The following COG5 variants were observed in gnomAD, a reference collection of about 807,000 sequenced individuals.
COG5 encodes component of oligomeric golgi complex 5.
In COG5, 86 loss-of-function variants were observed where a neutral mutation model predicts 110.4. That is an observed-to-expected ratio of 0.78 (90% CI 0.65 to 0.93). The LOEUF (loss-of-function observed/expected upper bound fraction) is 0.93, where lower values mean the gene tolerates loss of function less well. Among genes scored for constraint, COG5 ranks in the 40% least tolerant of loss-of-function variants. COG5 has a pLI of 0.00. For missense variants in COG5, 1,077 were observed against 987.0 expected (o/e 1.09, Z -1.22); for synonymous variants, 360 against 334.6 (o/e 1.08, Z -0.83).
chr7:107,529,497 GCA>G (rs1801021998), intron 5 of COG5, among the ~76,000 whole-genome samples: 1 of 152,120 alleles, frequency 6.6e-6, no homozygotes, highest in East Asian at 1.9e-4. Flanking sequence ...CCTTCCGGGG[GCA>G]CTCCACCTGA....
rs143172797 is a variant in COG5 at position 107,360,205 on chromosome 7, C to T, written c.1026+1828G>A. On this transcript the variant is annotated intron_variant, in intron 10 of 21. Transcript: ENST00000297135. ...ACATCAGGATGGTCTGCCTGTGGAA[C>T]GGAGCTAAATACTGCAGGTCACCTC... Among the ~76,000 whole-genome samples the T allele has an allele frequency of 6.5e-4, 99 of 152,300 alleles. 1 individual carries two copies. The East Asian group carries it at 0.016, about 24-fold the overall frequency.
At chr7:107,300,887 C>G (rs1030579088) in intron 11 of COG5, among the ~76,000 whole-genome samples, 4 of 152,044 alleles carry the variant, frequency 2.6e-5, no homozygotes, top group African/African-American at 9.7e-5. Flanking sequence ...AGTACTAATA[C>G]AACCTGATTT....
At chr7:107,356,320 GTAAC>G (rs2129043853) in intron 10 of COG5, among the ~76,000 whole-genome samples, 1 of 152,294 alleles carries the variant, frequency 6.6e-6, no homozygotes, top group South Asian at 2.1e-4. Context: ...AATTAATAAT[GTAAC>G]TGTTTATAAT....
At chr7:107,487,155 C>A (rs186606330) in intron 6 of COG5, among the ~76,000 whole-genome samples, 16 of 152,066 alleles carry the variant, frequency 1.1e-4, no homozygotes, top group Admixed American at 9.2e-4. Context: ...CATTTACAAC[C>A]TATGTAGTAA....
chr7:107,482,067 A>G (rs1387147683), intron 6 of COG5, among the ~76,000 whole-genome samples: 2 of 151,932 alleles, frequency 1.3e-5, no homozygotes, highest in Admixed American at 6.6e-5. Context: ...TAAAATGCCA[A>G]TTCCTGGGCC....
intron 8 of COG5, among the ~76,000 whole-genome samples, chr7:107,365,221 T>G (rs981077520): frequency 1.3e-5 from 2 of 152,102 alleles, no homozygotes; most frequent in African/African-American, 4.8e-5. Flanking sequence ...TAAAATAAAC[T>G]AAGAGTTCCT....
intron 7 of COG5, among the ~76,000 whole-genome samples, chr7:107,391,473 G>T (rs557895594): frequency 3.9e-5 from 6 of 152,134 alleles, no homozygotes; most frequent in African/African-American, 1.4e-4. Context: ...CTGTGCAAAC[G>T]TTTACAAGTT....
intron 10 of COG5, among the ~76,000 whole-genome samples, chr7:107,335,562 G>A (rs932317253): frequency 2.0e-5 from 3 of 152,056 alleles, no homozygotes; most frequent in Admixed American, 6.6e-5. Flanking sequence ...AAAAGGAAGA[G>A]GAATTACAAA....
intron 10 of COG5, among the ~76,000 whole-genome samples, chr7:107,357,734 T>C (rs1477162914): frequency 6.6e-6 from 1 of 152,168 alleles, no homozygotes; most frequent in African/African-American, 2.4e-5. Flanking sequence ...AGTGGTGCAA[T>C]CTTAACTGAC....
chr7:107,487,776 T>C (rs1248510602), intron 6 of COG5, among the ~76,000 whole-genome samples: 7 of 152,182 alleles, frequency 4.6e-5, no homozygotes, highest in South Asian at 4.1e-4. Context: ...ACATAAAGTA[T>C]TGGATAGTTT....
chr7:107,356,358 A>T (rs1340780026), intron 10 of COG5, among the ~76,000 whole-genome samples: 3 of 152,210 alleles, frequency 2.0e-5, no homozygotes, highest in Non-Finnish European at 4.4e-5. Context: ...CAAAGAAAAC[A>T]TATCTATTAA....
At chr7:107,332,002 C>G (rs554016837) in intron 10 of COG5, among the ~76,000 whole-genome samples, 54 of 152,170 alleles carry the variant, frequency 3.5e-4, no homozygotes, top group African/African-American at 1.1e-3. Context: ...GCACCTGCTA[C>G]CACGCCCAGA....
intron 11 of COG5, among the ~76,000 whole-genome samples, chr7:107,300,687 A>C (rs1807183628): frequency 6.6e-6 from 1 of 152,142 alleles, no homozygotes; most frequent in Admixed American, 6.6e-5. Flanking sequence ...ATAAATGGAA[A>C]GAGAGAATAT....
At chr7:107,506,194 G>GTAA (rs1470535208) in intron 6 of COG5, among the ~76,000 whole-genome samples, 1 of 152,218 alleles carries the variant, frequency 6.6e-6, no homozygotes, top group East Asian at 1.9e-4. Flanking sequence ...TGGAGATGAT[G>GTAA]TAATGGACTG....
At chr7:107,463,251 T>C (rs1237038361) in intron 6 of COG5, among the ~76,000 whole-genome samples, 1 of 152,266 alleles carries the variant, frequency 6.6e-6, no homozygotes, top group African/African-American at 2.4e-5. Flanking sequence ...CCAGGTCAGC[T>C]GCATCCCTTT....
At chr7:107,248,345 T>C (rs1396810145) in intron 17 of COG5, 51 bp downstream of exon 17, 11 of 1,144,056 alleles carry the variant, frequency 9.6e-6, no homozygotes, top group Non-Finnish European at 1.5e-5. Context: ...GAGGTGGGAA[T>C]ACAAAATAAA....
At chr7:107,320,045 G>A (rs1244920215) in intron 11 of COG5, among the ~76,000 whole-genome samples, 1 of 152,174 alleles carries the variant, frequency 6.6e-6, no homozygotes, top group Non-Finnish European at 1.5e-5. Context: ...CTCTGATGTT[G>A]TAGAGTGTGA....
intron 14 of COG5, among the ~76,000 whole-genome samples, chr7:107,275,713 G>A (rs1006240136): frequency 1.3e-5 from 2 of 151,846 alleles, no homozygotes; most frequent in African/African-American, 4.8e-5. Flanking sequence ...TAGTAGAGAT[G>A]AGGTTTCACC....
At chr7:107,214,782 CATG>C (rs144615565) in intron 19 of COG5, among the ~76,000 whole-genome samples, 3,527 of 152,018 alleles carry the variant, frequency 0.023, 125 homozygotes, top group African/African-American at 0.08. Flanking sequence ...ATTAGCCAGG[CATG>C]GTGGTGTACA....
Sources: allele counts gnomAD v4.1 joint callset (sites outside exome capture counted in the v4.1 genomes callset), GRCh38; gene constraint gnomAD v4.1.1; transcripts MANE v1.5; gene names NCBI Gene and HGNC (gene_info 2026-07-23, HGNC 2026-07-21).